CUBN: variants seen among roughly 807,000 people sequenced by gnomAD.
The protein encoded by CUBN is 460 kDa receptor.
CUBN carries 282 observed loss-of-function variants against 405.3 expected under a neutral mutation model. The ratio of observed to expected loss-of-function variants is 0.70; its 90% confidence interval spans 0.63 to 0.77. CUBN has a LOEUF of 0.77. Ranked by LOEUF, CUBN falls within the 30% of genes least tolerant of loss-of-function variation. The probability of loss-of-function intolerance (pLI) is 0.00; values close to 1 mark genes in which losing one functional copy is unlikely to be tolerated. For synonymous variants in CUBN, 1,684 were observed against 1,617.0 expected, an observed-to-expected ratio of 1.04 and a Z score of -0.99; for missense variants, 4,514 against 4,475.2, an observed-to-expected ratio of 1.01 and a Z score of -0.25.
intron 59 of CUBN, among the ~76,000 whole-genome samples, chr10:16,864,036 T>TTGAGAA (rs1476008497): frequency 4.8e-4 from 73 of 152,300 alleles, no homozygotes; most frequent in African/African-American, 1.8e-3. Context: ...GGATTGAATT[T>TTGAGAA]TGAGAATGAG....
chr10:16,824,528 C>CTT lies in CUBN; in HGVS notation c.*445_*446dup. 6.3e-6 allele frequency: 1 copy of CTT among 159,746 alleles called. No individual in the cohort carries two copies. Among genetic ancestry groups the CTT allele is most frequent in the Non-Finnish European group, 1.4e-5 (1 of 73,050 alleles). The allele number at this position is 159,746 out of a possible 1,614,324, so 9.9% of individuals were successfully genotyped here. A position where few individuals can be genotyped will look rare whatever the true frequency, so the allele number is the denominator to read the frequency against. On this transcript the variant is annotated 3_prime_UTR_variant, in exon 67 of 67. Coordinates refer to ENST00000377833, the MANE Select transcript of CUBN (RefSeq NM_001081.4). The stretch of plus-strand genomic sequence containing the variant: ...ATATTGATTCTGGTTTTTTTTGTTT[C>CTT]TTTTTTTTTTGAGATGGAGTCTTGC...
At chr10:17,009,911 C>G in intron 28 of CUBN, among the ~76,000 whole-genome samples, 1 of 152,218 alleles carries the variant, frequency 6.6e-6, no homozygotes. Flanking sequence ...ACAATGTGCC[C>G]TTTCAACATC....
chr10:17,117,934 C>A lies in CUBN; in HGVS notation c.594-2337G>T, dbSNP rs149923017. Among the ~76,000 whole-genome samples, 818 of 152,294 alleles carry A rather than the reference C, an allele frequency of 5.4e-3. 11 individuals carry two copies. Among genetic ancestry groups the A allele is most frequent in the African/African-American group, 0.019 (789 of 41,560 alleles). ...ATCTCTGTGAATTATGGTCATATTG[C>A]AGTCTACAGGCATTCCCCTGTAGCA... On this transcript the variant is annotated intron_variant, in intron 6 of 66. Coordinates refer to ENST00000377833, the MANE Select transcript of CUBN (RefSeq NM_001081.4).
rs369971190 is a variant in CUBN at position 16,989,592 on chromosome 10, C to T, written c.4350+742G>A. On this transcript the variant is annotated intron_variant, in intron 29 of 66. Coordinates refer to ENST00000377833, the MANE Select transcript of CUBN (RefSeq NM_001081.4). ...TATATATTTAAAATATATATATATA[C>T]ACACACACACACATATTCTAATGAC... Among the ~76,000 whole-genome samples, 5 of 107,606 alleles carry T rather than the reference C, an allele frequency of 4.6e-5. No homozygotes were observed. The East Asian group carries it at 7.9e-4, about 17-fold the overall frequency. 70.6% of individuals were successfully genotyped at this position (107,606 alleles called of 152,430 possible). A position where few individuals can be genotyped will look rare whatever the true frequency, so the allele number is the denominator to read the frequency against.
intron 33 of CUBN, among the ~76,000 whole-genome samples, chr10:16,951,865 G>T (rs1258937186): frequency 2.0e-5 from 3 of 152,026 alleles, no homozygotes; most frequent in Non-Finnish European, 4.4e-5. Flanking sequence ...TTCTTCATTT[G>T]TTCACTCAGC....
chr10:16,828,589 G>T (rs1384368572), intron 66 of CUBN, among the ~76,000 whole-genome samples: 1 of 152,022 alleles, frequency 6.6e-6, no homozygotes, highest in African/African-American at 2.4e-5. Flanking sequence ...GTGGTGGCAG[G>T]CACCTGTAAT....
intron 31 of CUBN, among the ~76,000 whole-genome samples, chr10:16,981,783 G>A (rs1331778396): frequency 6.6e-6 from 1 of 152,148 alleles, no homozygotes; most frequent in East Asian, 1.9e-4. Context: ...CCCTTCGCAA[G>A]TCCTGTAAAG....
chr10:16,872,349 C>CATACATATAT (rs1554785649), intron 58 of CUBN, among the ~76,000 whole-genome samples: 1 of 148,990 alleles, frequency 6.7e-6, no homozygotes, highest in East Asian at 1.9e-4. Flanking sequence ...TGTATACATA[C>CATACATATAT]ATATATATAT....
intron 59 of CUBN, among the ~76,000 whole-genome samples, chr10:16,857,541 T>G (rs1839896830): frequency 6.6e-6 from 1 of 152,184 alleles, no homozygotes; most frequent in Non-Finnish European, 1.5e-5. Context: ...TCTTTCCAAC[T>G]TGGAAATTAA....
chr10:17,129,519 C>T, intron 1 of CUBN, 125 bp downstream of exon 1: 1 of 1,256,926 alleles, frequency 8.0e-7, no homozygotes, highest in Non-Finnish European at 1.2e-6. Flanking sequence ...AAATGTTTTT[C>T]CCTGTTTGCT....
At chr10:16,960,327 A>G (rs1023183289) in intron 31 of CUBN, among the ~76,000 whole-genome samples, 2 of 152,180 alleles carry the variant, frequency 1.3e-5, no homozygotes, top group Non-Finnish European at 2.9e-5. Flanking sequence ...CCCCATCTCT[A>G]TTAAAAATAC....
chr10:16,843,262 CT>C (rs1839410949), intron 60 of CUBN, among the ~76,000 whole-genome samples: 1 of 152,168 alleles, frequency 6.6e-6, no homozygotes, highest in Non-Finnish European at 1.5e-5. Context: ...ATGTTTTCTT[CT>C]GAGTAATCTC....
intron 17 of CUBN, among the ~76,000 whole-genome samples, chr10:17,072,971 C>T (rs1393083384): frequency 6.6e-5 from 10 of 152,042 alleles, no homozygotes; most frequent in African/African-American, 1.9e-4. Flanking sequence ...CCACCCTCAA[C>T]CCCCAAAAAG....
intron 5 of CUBN, 183 bp downstream of exon 5, chr10:17,123,405 G>C: frequency 1.6e-6 from 1 of 642,100 alleles, no homozygotes; most frequent in Non-Finnish European, 2.8e-6. Flanking sequence ...TTTAGTATTT[G>C]GTGGGTTATA....
intron 59 of CUBN, among the ~76,000 whole-genome samples, chr10:16,853,194 T>A (rs1445988646): frequency 2.0e-5 from 3 of 152,200 alleles, no homozygotes; most frequent in Non-Finnish European, 4.4e-5. Flanking sequence ...AACAATTTAT[T>A]GACAATTTTG....
At chr10:16,944,640 G>A (rs57430172) in intron 36 of CUBN, among the ~76,000 whole-genome samples, 16,958 of 152,150 alleles carry the variant, frequency 0.11, 1,994 homozygotes, top group African/African-American at 0.27. Context: ...AGCCTAAAAC[G>A]TCCATTTTAA....
At chr10:17,021,521 G>A (rs1308456465) in intron 27 of CUBN, among the ~76,000 whole-genome samples, 1 of 152,258 alleles carries the variant, frequency 6.6e-6, no homozygotes, top group East Asian at 1.9e-4. Context: ...GGATTTCCTC[G>A]AGGATGCCCT....
chr10:17,076,582 G>C (rs1335842427), intron 17 of CUBN, among the ~76,000 whole-genome samples: 1 of 151,580 alleles, frequency 6.6e-6, no homozygotes, highest in African/African-American at 2.4e-5. Flanking sequence ...TAAAAGGATT[G>C]ACTATCTATG....
chr10:16,888,320 T>G, intron 56 of CUBN, 97 bp downstream of exon 56: 5 of 985,218 alleles, frequency 5.1e-6, no homozygotes, highest in Non-Finnish European at 6.2e-6. Context: ...ATTTAGCCAC[T>G]CTACAACATG....
Sources: allele counts gnomAD v4.1 joint callset (sites outside exome capture counted in the v4.1 genomes callset), GRCh38; gene constraint gnomAD v4.1.1; transcripts MANE v1.5; gene names NCBI Gene and HGNC (gene_info 2026-07-23, HGNC 2026-07-21).